FARSB: variants seen among roughly 807,000 people sequenced by gnomAD.
FARSB encodes the protein phenylalanyl-tRNA synthetase subunit beta.
Under a neutral mutation model 69.6 loss-of-function variants are expected in FARSB, and 40 were observed. The ratio of observed to expected loss-of-function variants is 0.57; its 90% CI spans 0.45 to 0.75. FARSB has a LOEUF of 0.75. Among genes scored for constraint, FARSB ranks in the 30% least tolerant of loss-of-function variants. FARSB has a pLI of 0.00. For synonymous variants in FARSB, 235 were observed against 247.2 expected (o/e 0.95, Z 0.46); for missense variants, 632 against 722.9 (o/e 0.87, Z 1.44).
chr2:222,583,269 C>T (rs1320524656), intron 16 of FARSB, among the ~76,000 whole-genome samples: 3 of 152,128 alleles, frequency 2.0e-5, no homozygotes, highest in Non-Finnish European at 1.5e-5. Context: ...AGTATATTTA[C>T]ATAATTTCAA....
chr2:222,654,326 C>CA (rs916633764), intron 1 of FARSB, among the ~76,000 whole-genome samples: 8 of 150,546 alleles, frequency 5.3e-5, no homozygotes, highest in South Asian at 2.1e-4. Flanking sequence ...TTGTTTCATG[C>CA]AAAAAAAAAT....
At chr2:222,630,219 C>T in intron 8 of FARSB, 45 bp from the exon 9 acceptor site, 1 of 949,192 alleles carries the variant, frequency 1.1e-6, no homozygotes. Context: ...TAAATATATT[C>T]TCTTCACTCA....
rs1689656114 is a variant in FARSB, at chr2:222,567,728, T to C, written c.*4143A>G. On this transcript the variant is annotated 3_prime_UTR_variant, in exon 17 of 17. Coordinates refer to ENST00000281828, the MANE Select transcript of FARSB (RefSeq NM_005687.5). ...CACATCAAAGAAATATCTAATGAACTCTATGCATCTCTGAATGTGTCTGTC... is the reference window on the plus strand; with the variant it reads ...CACATCAAAGAAATATCTAATGAACCCTATGCATCTCTGAATGTGTCTGTC... 1 of 152,230 alleles carries C rather than the reference T, an allele frequency of 6.6e-6. No homozygotes were observed. Among genetic ancestry groups the C allele is most frequent in the African/African-American group, 2.4e-5 (1 of 41,468 alleles). The allele number at this position is 152,230 out of a possible 1,614,324, so 9.4% of individuals were successfully genotyped here.
intron 5 of FARSB, among the ~76,000 whole-genome samples, chr2:222,638,959 A>G (rs760498680): frequency 7.3e-4 from 111 of 152,230 alleles, no homozygotes; most frequent in Non-Finnish European, 3.4e-4. Flanking sequence ...TGAAATACTT[A>G]AATTTGTTCA....
At chr2:222,645,605 T>A (rs1691830437) in intron 2 of FARSB, among the ~76,000 whole-genome samples, 1 of 148,106 alleles carries the variant, frequency 6.8e-6, no homozygotes, top group Non-Finnish European at 1.5e-5. Flanking sequence ...TCTTTTAAAT[T>A]AAAGTATGTC....
At chr2:222,582,699 C>T (rs953203015) in intron 16 of FARSB, among the ~76,000 whole-genome samples, 2 of 152,018 alleles carry the variant, frequency 1.3e-5, no homozygotes, top group Non-Finnish European at 2.9e-5. Context: ...CCGAGGAAGG[C>T]AGATCACTTG....
intron 13 of FARSB, among the ~76,000 whole-genome samples, chr2:222,621,859 C>G (rs1691145267): frequency 6.6e-6 from 1 of 152,222 alleles, no homozygotes; most frequent in Admixed American, 6.5e-5. Context: ...TTATAAACAT[C>G]TTTAATGTTG....
At chr2:222,596,282 C>T (rs1213071858) in intron 16 of FARSB, among the ~76,000 whole-genome samples, 2 of 152,124 alleles carry the variant, frequency 1.3e-5, no homozygotes, top group African/African-American at 2.4e-5. Context: ...TAGGTTAATG[C>T]GAAGATCAAT....
chr2:222,633,973 TA>T (rs779741110), intron 6 of FARSB, among the ~76,000 whole-genome samples: 4 of 152,246 alleles, frequency 2.6e-5, no homozygotes, highest in East Asian at 1.9e-4. Flanking sequence ...CTATTTTTTC[TA>T]CTTATTAAAT....
chr2:222,636,739 T>C (rs1027972746), intron 5 of FARSB, among the ~76,000 whole-genome samples: 5 of 152,144 alleles, frequency 3.3e-5, no homozygotes, highest in Non-Finnish European at 5.9e-5. Flanking sequence ...CACTGCTGAG[T>C]CTGAATCTAG....
At chr2:222,614,017 T>C (rs1054754703) in intron 14 of FARSB, 89 bp from the exon 15 acceptor site, 2 of 698,206 alleles carry the variant, frequency 2.9e-6, no homozygotes, top group African/African-American at 3.6e-5. Flanking sequence ...AGAAAGACTA[T>C]GGCTTCATAG....
At chr2:222,629,858 A>T (rs1691371843) in intron 9 of FARSB, among the ~76,000 whole-genome samples, 2 of 152,110 alleles carry the variant, frequency 1.3e-5, no homozygotes, top group Non-Finnish European at 2.9e-5. Flanking sequence ...CTCCTGCCTC[A>T]GTCTCCCCAA....
chr2:222,590,766 A>G (rs1321076764), intron 16 of FARSB, among the ~76,000 whole-genome samples: 1 of 152,174 alleles, frequency 6.6e-6, no homozygotes, highest in Non-Finnish European at 1.5e-5. Flanking sequence ...AGTAGTGTGG[A>G]AAGTGGGTGA....
rs577842098 is a variant in FARSB at position 222,622,668 on chromosome 2, T to C, written c.1251+982A>G. On this transcript the variant is annotated intron_variant, in intron 13 of 16. Transcript: ENST00000281828. ...ACCTAGTGTACACGGTATGAGACCA[T>C]GGAAAAGCACTGTTCTAGGAGGCTA... Among the ~76,000 whole-genome samples, 3 of 152,252 alleles carry C rather than the reference T, an allele frequency of 2.0e-5. No homozygotes were observed. In the East Asian group the frequency reaches 5.8e-4, roughly 29 times the overall value.
intron 11 of FARSB, 35 bp downstream of exon 11, chr2:222,624,679 T>C (rs1691222098): frequency 6.9e-7 from 1 of 1,457,440 alleles, no homozygotes; most frequent in African/African-American, 1.4e-5. Flanking sequence ...TACGTGTACT[T>C]TGTTCTTGAA....
intron 16 of FARSB, among the ~76,000 whole-genome samples, chr2:222,594,962 A>G (rs1690372944): frequency 6.6e-6 from 1 of 152,234 alleles, no homozygotes; most frequent in South Asian, 2.1e-4. Flanking sequence ...CTGTGTAGGA[A>G]TCACTGCTTA....
chr2:222,631,182 C>CT (rs58544238), intron 8 of FARSB, among the ~76,000 whole-genome samples: 68 of 144,182 alleles, frequency 4.7e-4, no homozygotes, highest in South Asian at 1.3e-3. Context: ...TCGCCAGTTC[C>CT]TTTTTTTTTT....
In FARSB at chr2:222,570,009, C is replaced by T. The variant is rs547525652; in HGVS notation, c.*1862G>A. 6.6e-6 allele frequency among the ~76,000 whole-genome samples: 1 copy of T among 152,266 alleles called. No individual in the cohort carries two copies. The highest frequency in any genetic ancestry group is 1.9e-4 in the East Asian group (1 of 5,182). On this transcript the variant is annotated 3_prime_UTR_variant, in exon 17 of 17. Transcript: ENST00000281828. ...AACATTTTACATTGTGACTCACCAG[C>T]AGTGCATGAAAGTTCCACTTGCTCC...
At chr2:222,585,673 T>TAG (rs1690093774) in intron 16 of FARSB, among the ~76,000 whole-genome samples, 3 of 152,132 alleles carry the variant, frequency 2.0e-5, no homozygotes, top group African/African-American at 4.8e-5. Context: ...GAGAAGACCT[T>TAG]AAATGACCTG....
Sources: allele counts gnomAD v4.1 joint callset (sites outside exome capture counted in the v4.1 genomes callset), GRCh38; gene constraint gnomAD v4.1.1; transcripts MANE v1.5; gene names NCBI Gene and HGNC (gene_info 2026-07-23, HGNC 2026-07-21).